The following VPS53 variants were observed in gnomAD, a reference collection of about 807,000 sequenced individuals.
VPS53 encodes vacuolar protein sorting-associated protein 53 homolog.
A neutral mutation model predicts 107.0 loss-of-function variants in VPS53; 70 were observed. The observed-to-expected ratio is 0.65, with a 90% CI of 0.54 to 0.80. The LOEUF (loss-of-function observed/expected upper bound fraction) is 0.80. Among genes scored for constraint, VPS53 ranks in the 30% least tolerant of loss-of-function variants. VPS53 has a pLI of 0.00. For missense variants in VPS53, 917 were observed against 1,049.4 expected (o/e 0.87, Z 1.74); for synonymous variants, 409 against 393.3 (o/e 1.04, Z -0.47).
chr17:572,930 C>T (rs1216095307), intron 13 of VPS53, among the ~76,000 whole-genome samples: 2 of 151,764 alleles, frequency 1.3e-5, no homozygotes, highest in Non-Finnish European at 1.5e-5. Flanking sequence ...AAACCAGAGA[C>T]CTTTGTTCAC....
intron 4 of VPS53, among the ~76,000 whole-genome samples, chr17:666,521 G>T (rs12945829): frequency 6.6e-6 from 1 of 151,868 alleles, no homozygotes; most frequent in South Asian, 2.1e-4. Flanking sequence ...AAAATTAGCC[G>T]GGCGTGGTGG....
intron 10 of VPS53, among the ~76,000 whole-genome samples, chr17:625,656 A>G (rs1969677248): frequency 6.6e-6 from 1 of 152,178 alleles, no homozygotes; most frequent in African/African-American, 2.4e-5. Context: ...TGGGGCCGGG[A>G]GCACCTGGGA....
chr17:572,234 G>A (rs1456435152), intron 13 of VPS53, among the ~76,000 whole-genome samples: 1 of 122,238 alleles, frequency 8.2e-6, no homozygotes, highest in Non-Finnish European at 1.7e-5. Flanking sequence ...GCCCGGCCGC[G>A]ACCCCGTCTG....
At position 520,171 on chromosome 17, in the gene VPS53, C is replaced by G. The variant is rs1442555862; in HGVS notation, c.2224-241G>C. The stretch of plus-strand genomic sequence containing the variant: ...CCCATCTCATCTTCACATGCCACTA[C>G]AGCAATGTCCTAAATTTGCTGAATC... On this transcript the variant is annotated intron_variant, in intron 20 of 21. Coordinates refer to ENST00000437048, the MANE Select transcript of VPS53 (RefSeq NM_001128159.3). This position sits in a 1 kb window ranked among gnomAD's most constrained non-coding sequence, Gnocchi z 4.4. Among the ~76,000 whole-genome samples the G allele has an allele frequency of 6.6e-6, 1 of 152,210 alleles. No homozygotes were observed. The highest frequency in any genetic ancestry group is 2.4e-5 in the African/African-American group (1 of 41,456).
intron 4 of VPS53, among the ~76,000 whole-genome samples, chr17:672,413 T>C (rs1972001624): frequency 6.6e-6 from 1 of 152,182 alleles, no homozygotes; most frequent in Non-Finnish European, 1.5e-5. Flanking sequence ...TATAAAGCAC[T>C]CAGCTCACAG....
intron 18 of VPS53, chr17:536,411 A>G (rs1252726385): frequency 1.3e-5 from 2 of 152,236 alleles, no homozygotes; most frequent in African/African-American, 4.8e-5. Flanking sequence ...TCAGAGAAAC[A>G]AAATGCATAT....
chr17:574,008 A>G (rs1369759554), intron 13 of VPS53, among the ~76,000 whole-genome samples: 1 of 152,182 alleles, frequency 6.6e-6, no homozygotes, highest in African/African-American at 2.4e-5. Flanking sequence ...TTTTGACAAG[A>G]GCGTCGATGC....
chr17:657,587 G>C, intron 5 of VPS53: 1 of 820,300 alleles, frequency 1.2e-6, no homozygotes, highest in Non-Finnish European at 2.1e-6. Context: ...TTGTCTTCCG[G>C]TGCACATAGC....
At chr17:712,348 T>C (rs1973676287) in intron 1 of VPS53, among the ~76,000 whole-genome samples, 1 of 151,044 alleles carries the variant, frequency 6.6e-6, no homozygotes, top group African/African-American at 2.4e-5. Context: ...CCCAGCTAAA[T>C]TTTTGTATTT....
chr17:661,165 C>T (rs1209433743), intron 5 of VPS53, among the ~76,000 whole-genome samples: 2 of 151,772 alleles, frequency 1.3e-5, no homozygotes, highest in Non-Finnish European at 1.5e-5. Flanking sequence ...GATACCAATA[C>T]CAAGAAATGT....
chr17:622,545 A>G (rs1269043206), intron 11 of VPS53, among the ~76,000 whole-genome samples: 1 of 152,288 alleles, frequency 6.6e-6, no homozygotes, highest in East Asian at 1.9e-4. Flanking sequence ...CGGATGAGTC[A>G]GCTACAATTC....
At chr17:682,017 T>TGAAAATATGAA (rs1417296647) in intron 4 of VPS53, among the ~76,000 whole-genome samples, 5 of 152,132 alleles carry the variant, frequency 3.3e-5, no homozygotes, top group Admixed American at 6.5e-5. Context: ...CTGTTTTGGT[T>TGAAAATATGAA]GAAAATATGA....
At chr17:641,834 G>A (rs138588499) in intron 7 of VPS53, among the ~76,000 whole-genome samples, 4 of 152,274 alleles carry the variant, frequency 2.6e-5, no homozygotes, top group Admixed American at 6.5e-5. Context: ...TGGCATCCAC[G>A]TAAGTTCAGC....
At chr17:662,891 A>AAGGCAGGCAGGC (rs796978892) in intron 4 of VPS53, among the ~76,000 whole-genome samples, 82 of 137,654 alleles carry the variant, frequency 6.0e-4, no homozygotes, top group African/African-American at 2.1e-3. Context: ...GGAAGGAAGG[A>AAGGCAGGCAGGC]AGGCAGGCAG....
chr17:642,997 A>C lies in VPS53; in HGVS notation c.608+10294T>G, dbSNP rs1319938553. Among the ~76,000 whole-genome samples the C allele has an allele frequency of 3.3e-5, 4 of 120,878 alleles. No individual in the cohort carries two copies. In the South Asian group the frequency reaches 1.2e-3, roughly 37 times the overall value. The allele number at this position is 120,878 out of a possible 152,430, so 79.3% of individuals were successfully genotyped here. On this transcript the variant is annotated intron_variant, in intron 7 of 21. Transcript: ENST00000437048. ...AAGCGAGGACAACACTCATACTTGG[A>C]AAGCGAGGACAACACTCATACTTGG...
intron 1 of VPS53, 93 bp downstream of exon 1, chr17:714,530 C>A: frequency 7.9e-7 from 1 of 1,267,268 alleles, no homozygotes; most frequent in South Asian, 1.4e-5. Context: ...AGCCCCCGGC[C>A]CTCCGTCCAC....
chr17:696,094 T>C (rs1477962605), intron 4 of VPS53, among the ~76,000 whole-genome samples: 1 of 149,602 alleles, frequency 6.7e-6, no homozygotes, highest in Non-Finnish European at 1.5e-5. Context: ...AATACAGGAG[T>C]CCAGAAAACC....
intron 4 of VPS53, among the ~76,000 whole-genome samples, chr17:682,395 G>C (rs1203127137): frequency 6.6e-6 from 1 of 152,294 alleles, no homozygotes; most frequent in East Asian, 1.9e-4. Context: ...ACCTAGCAGA[G>C]AGCTAAAGGT....
At chr17:598,414 G>A (rs1264613787) in intron 12 of VPS53, among the ~76,000 whole-genome samples, 2 of 151,728 alleles carry the variant, frequency 1.3e-5, no homozygotes, top group Admixed American at 1.3e-4. Context: ...GTCTCTGCCT[G>A]GCCGCCCATC....
Sources: allele counts gnomAD v4.1 joint callset (sites outside exome capture counted in the v4.1 genomes callset), GRCh38; gene constraint gnomAD v4.1.1; non-coding constraint Gnocchi (gnomAD v3.1); transcripts MANE v1.5; gene names NCBI Gene and HGNC (gene_info 2026-07-23, HGNC 2026-07-21).